Variants in SYDE2 observed in about 807,000 individuals in gnomAD.
The protein encoded by SYDE2 is synapse defective Rho GTPase homolog 2, also known as rho GTPase-activating protein SYDE2.
Under a neutral mutation model 91.5 loss-of-function variants are expected in SYDE2, and 76 were observed. The ratio of observed to expected loss-of-function variants is 0.83; its 90% CI spans 0.69 to 1.01. The LOEUF is 1.01. Ranked by LOEUF, SYDE2 falls within the 50% of genes least tolerant of loss-of-function variation. The pLI is 0.00. For missense variants in SYDE2, 1,364 were observed against 1,367.7 expected, an observed-to-expected ratio of 1.00 and a Z score of 0.04; for synonymous variants, 513 against 506.4, an observed-to-expected ratio of 1.01 and a Z score of -0.18.
At chr1:85,160,487 G>A (rs1657020498) in intron 6 of SYDE2, 1 of 968,164 alleles carries the variant, frequency 1.0e-6, no homozygotes. Flanking sequence ...AAATTTTCTA[G>A]AAAATAAAAG....
rs888039538 is a variant in SYDE2 at position 85,178,242 on chromosome 1, C to A, written c.2575G>T (p.Ala859Ser). The A allele has an allele frequency of 6.3e-7, 1 of 1,579,964 alleles. No homozygotes were observed. Among genetic ancestry groups the A allele is most frequent in the Admixed American group, 1.8e-5 (1 of 55,048 alleles). Reference sequence around the variant, plus strand: ...TCTCGCAGTTCTTTCTTGACTGCTGCCGAACCACATAATCGATACAGGCCT... The same window carrying A: ...TCTCGCAGTTCTTTCTTGACTGCTGACGAACCACATAATCGATACAGGCCT... ...VVGLYRLCGS[A>S]AVKKELREAF... The change falls in exon 4 of 7, where the codon GCA becomes TCA. Residue 859 changes from alanine (A) to serine (S), a missense_variant. Ala to Ser is a moderately conservative substitution (Grantham distance 99). Transcript: ENST00000341460.
chr1:85,184,832 A>G (rs1658066382), intron 2 of SYDE2, among the ~76,000 whole-genome samples: 1 of 151,318 alleles, frequency 6.6e-6, no homozygotes, highest in Admixed American at 6.6e-5. Flanking sequence ...GTGAGCCGTG[A>G]TTGTGCCACT....
chr1:85,173,813 A>G (rs369171747), intron 4 of SYDE2, among the ~76,000 whole-genome samples: 22 of 152,236 alleles, frequency 1.4e-4, no homozygotes, highest in East Asian at 7.7e-4. Flanking sequence ...AGACAAGAAC[A>G]TGAAAACACT....
At chr1:85,169,684 T>TTC (rs1259164439) in intron 4 of SYDE2, among the ~76,000 whole-genome samples, 1 of 152,212 alleles carries the variant, frequency 6.6e-6, no homozygotes, top group East Asian at 1.9e-4. Context: ...TGGAAATAAA[T>TTC]ACATTTCCTC....
intron 1 of SYDE2, among the ~76,000 whole-genome samples, chr1:85,197,946 G>A (rs1447072060): frequency 2.0e-5 from 3 of 152,098 alleles, no homozygotes; most frequent in Admixed American, 6.5e-5. Flanking sequence ...GAGCCACTGC[G>A]CCCGGCCCAG....
At chr1:85,171,579 A>C (rs1213216253) in intron 4 of SYDE2, among the ~76,000 whole-genome samples, 2 of 152,168 alleles carry the variant, frequency 1.3e-5, no homozygotes, top group African/African-American at 4.8e-5. Flanking sequence ...AAAAAAAATT[A>C]GATTCTGGAG....
intron 4 of SYDE2, among the ~76,000 whole-genome samples, chr1:85,173,881 T>G (rs185987998): frequency 1.3e-4 from 20 of 152,244 alleles, no homozygotes; most frequent in African/African-American, 4.1e-4. Context: ...ACATATTAAG[T>G]AGAGACATGG....
chr1:85,156,351 A>G (rs117698218), downstream of SYDE2, among the ~76,000 whole-genome samples: 575 of 152,050 alleles, frequency 3.8e-3, 20 homozygotes, highest in East Asian at 0.049. Flanking sequence ...ATTTGAGACC[A>G]GCCTGGGCAA....
intron 2 of SYDE2, among the ~76,000 whole-genome samples, chr1:85,186,813 T>C (rs374313148): frequency 6.6e-6 from 1 of 152,224 alleles, no homozygotes; most frequent in Non-Finnish European, 1.5e-5. Flanking sequence ...GCTAGCCATA[T>C]GTAGAAAGCT....
intron 1 of SYDE2, among the ~76,000 whole-genome samples, chr1:85,194,465 TATATA>T (rs1658503169): frequency 6.8e-6 from 1 of 147,878 alleles, no homozygotes; most frequent in Admixed American, 6.8e-5. Flanking sequence ...ATACATACAA[TATATA>T]ATAAAATATA....
At chr1:85,199,898 TA>T (rs1658745023) in intron 1 of SYDE2, among the ~76,000 whole-genome samples, 1 of 152,050 alleles carries the variant, frequency 6.6e-6, no homozygotes, top group Admixed American at 6.5e-5. Context: ...CTACAAAGAA[TA>T]AAAATCAAGA....
downstream of SYDE2, among the ~76,000 whole-genome samples, chr1:85,155,164 C>T (rs1194382875): frequency 6.6e-6 from 1 of 151,852 alleles, no homozygotes; most frequent in Non-Finnish European, 1.5e-5. Context: ...AAAATGATCT[C>T]GGGGTTAGAG....
In SYDE2 at chr1:85,178,130, A is replaced by G. The variant is rs900706773; in HGVS notation, c.2671+16T>C. On this transcript the variant is annotated intron_variant, in intron 4 of 6. Coordinates refer to ENST00000341460, the MANE Select transcript of SYDE2 (RefSeq NM_032184.2). ...TCTTTCCAGAAAGAGTACATAAAAT[A>G]AAATCTATTTATTACCTGTTATTAC... 4 of 1,544,712 alleles carry G rather than the reference A, an allele frequency of 2.6e-6. No homozygotes were observed. The African/African-American group carries it at 5.5e-5, about 21-fold the overall frequency.
In SYDE2 at chr1:85,159,718, T is replaced by C. The variant is rs997374998; in HGVS notation, c.3086-469A>G. 97 of 424,588 alleles carry C rather than the reference T, an allele frequency of 2.3e-4. 1 individual carries two copies. The highest frequency in any genetic ancestry group is 3.0e-4 in the Non-Finnish European group (95 of 317,706). 26.3% of individuals were successfully genotyped at this position (424,588 alleles called of 1,614,324 possible). On this transcript the variant is annotated intron_variant, in intron 6 of 6. Coordinates refer to ENST00000341460, the MANE Select transcript of SYDE2 (RefSeq NM_032184.2). ...GATCAGCCTAGTAAGTTCCGACCCT[T>C]GTGGGCTTTTCTGCAATTCTATTAG...
intron 2 of SYDE2, among the ~76,000 whole-genome samples, chr1:85,184,311 A>C (rs1190634370): frequency 1.3e-5 from 2 of 151,076 alleles, no homozygotes; most frequent in Non-Finnish European, 2.9e-5. Context: ...AGAAATTAAC[A>C]ATAATAATTA....
Position 85,183,199 on chromosome 1 carries a change from A to T in SYDE2, c.1443T>A (p.Gly481=). The T allele has an allele frequency of 6.5e-7, 1 of 1,534,584 alleles. No homozygotes were observed. The highest frequency in any genetic ancestry group is 8.7e-7 in the Non-Finnish European group (1 of 1,147,298). The change falls in exon 3 of 7, where the codon GGT becomes GGA. Residue 481 remains glycine, a splice_region_variant and synonymous_variant. Transcript: ENST00000341460. The part of the protein sequence containing the change: ...DSPMLKSPFA[G]SGILAATNST... Reference sequence around the variant, plus strand: ...TATTTGTAGCAGCCAGGATCCCAGAACCTTAAAAGAAAGAAAGAAAAATAC... The same window carrying T: ...TATTTGTAGCAGCCAGGATCCCAGATCCTTAAAAGAAAGAAAGAAAAATAC...
chr1:85,187,087 A>C (rs1348607294), intron 2 of SYDE2, among the ~76,000 whole-genome samples: 1 of 152,084 alleles, frequency 6.6e-6, no homozygotes, highest in South Asian at 2.1e-4. Flanking sequence ...CAACCTACAA[A>C]ATGGGAGAAA....
At chr1:85,170,612 C>A (rs817430) in intron 4 of SYDE2, among the ~76,000 whole-genome samples, 2 of 152,022 alleles carry the variant, frequency 1.3e-5, no homozygotes, top group Non-Finnish European at 1.5e-5. Flanking sequence ...TTGGATTAGG[C>A]ATGCTAAACT....
chr1:85,190,116 T>C lies in SYDE2; in HGVS notation c.1382A>G (p.His461Arg). The change falls in exon 2 of 7, where the codon CAC becomes CGC. Residue 461 changes from histidine to arginine, a missense_variant. His to Arg is a conservative substitution (Grantham distance 29). Coordinates refer to ENST00000341460, the MANE Select transcript of SYDE2 (RefSeq NM_032184.2). Reference sequence around the variant, plus strand: ...CACCATTATACCTTCTTGTGTCTTGTGTCCTAGCTTTTGCTTGTACTGCTG... The same window carrying C: ...CACCATTATACCTTCTTGTGTCTTGCGTCCTAGCTTTTGCTTGTACTGCTG... ...FVQQYKQKLG[H>R]KTQEGIMVED... is the part of the protein sequence containing the mutation. 1 of 1,614,010 alleles carries C rather than the reference T, an allele frequency of 6.2e-7. No homozygotes were observed. Among genetic ancestry groups the C allele is most frequent in the Non-Finnish European group, 8.5e-7 (1 of 1,179,884 alleles).
Sources: allele counts gnomAD v4.1 joint callset (sites outside exome capture counted in the v4.1 genomes callset), GRCh38; gene constraint gnomAD v4.1.1; transcripts MANE v1.5; gene names NCBI Gene and HGNC (gene_info 2026-07-23, HGNC 2026-07-21).